The following GALK2 variants were observed in gnomAD, a reference collection of about 807,000 sequenced individuals.
GALK2 encodes the protein galactokinase 2.
GALK2 carries 36 observed loss-of-function variants against 52.4 expected under a neutral mutation model. The ratio of observed to expected loss-of-function variants is 0.69; its 90% CI spans 0.53 to 0.91. The LOEUF (loss-of-function observed/expected upper bound fraction) is 0.91. Ranked by LOEUF, GALK2 falls within the 40% of genes least tolerant of loss-of-function variation. GALK2 has a pLI of 0.00. For missense variants in GALK2, 579 were observed against 559.1 expected, an observed-to-expected ratio of 1.04 and a Z score of -0.36; for synonymous variants, 176 against 199.1, an observed-to-expected ratio of 0.88 and a Z score of 0.98.
At position 49,263,741 on chromosome 15, in the gene GALK2, A is replaced by G. The variant is rs1332203705; in HGVS notation, c.505-18246A>G. Among the ~76,000 whole-genome samples the G allele has an allele frequency of 1.6e-5, 2 of 122,662 alleles. 1 individual carries two copies. Among genetic ancestry groups the G allele is most frequent in the African/African-American group, 6.7e-5 (2 of 30,026 alleles). 80.5% of individuals were successfully genotyped at this position (122,662 alleles called of 152,430 possible). On this transcript the variant is annotated intron_variant, in intron 5 of 9. Coordinates refer to ENST00000560031, the MANE Select transcript of GALK2 (RefSeq NM_002044.4). ...CCTTTCCATGTTTAGTGCTTCCTTC[A>G]GGAGCTCTTGTAAGGCAGGCCTGTT...
intron 5 of GALK2, among the ~76,000 whole-genome samples, chr15:49,247,339 C>G (rs1301935857): frequency 6.6e-6 from 1 of 152,016 alleles, no homozygotes; most frequent in Non-Finnish European, 1.5e-5. Flanking sequence ...GGGCTGTGAG[C>G]TGGGGATGGC....
chr15:49,286,255 G>A (rs1161735908), intron 7 of GALK2, among the ~76,000 whole-genome samples: 1 of 152,188 alleles, frequency 6.6e-6, no homozygotes, highest in Admixed American at 6.5e-5. Context: ...CCTAATGCTT[G>A]ATGTGATGCT....
chr15:49,161,129 A>G (rs1246375739), intron 1 of GALK2, among the ~76,000 whole-genome samples: 1 of 152,248 alleles, frequency 6.6e-6, no homozygotes, highest in Non-Finnish European at 1.5e-5. Context: ...AATATATTGC[A>G]TAATTTGCTG....
At chr15:49,207,012 T>G (rs1005255976) in intron 2 of GALK2, among the ~76,000 whole-genome samples, 8 of 152,192 alleles carry the variant, frequency 5.3e-5, no homozygotes, top group African/African-American at 1.9e-4. Context: ...GGTATGTCCC[T>G]TTTATGTCAA....
intron 8 of GALK2, among the ~76,000 whole-genome samples, chr15:49,317,589 A>G (rs1045537861): frequency 2.6e-5 from 4 of 152,262 alleles, no homozygotes; most frequent in Admixed American, 1.3e-4. Flanking sequence ...AAATCATTCT[A>G]CTATAAAGAC....
At chr15:49,178,252 A>G (rs878921872) in intron 1 of GALK2, 2 of 123,886 alleles carry the variant, frequency 1.6e-5, no homozygotes, top group Non-Finnish European at 3.4e-5. Context: ...AAATATGTCT[A>G]TATGTATAAA....
chr15:49,166,900 A>G (rs141176651), upstream of GALK2, among the ~76,000 whole-genome samples: 55 of 152,390 alleles, frequency 3.6e-4, no homozygotes, highest in African/African-American at 1.3e-3. Context: ...CAAACAGATT[A>G]AACCACAGAA....
chr15:49,177,333 T>G (rs909784498), intron 1 of GALK2, among the ~76,000 whole-genome samples: 1 of 151,272 alleles, frequency 6.6e-6, no homozygotes, highest in East Asian at 1.9e-4. Flanking sequence ...TAATTTATGT[T>G]AAACCTATTG....
intron 8 of GALK2, among the ~76,000 whole-genome samples, chr15:49,293,547 A>T (rs937263545): frequency 6.6e-6 from 1 of 152,240 alleles, no homozygotes; most frequent in African/African-American, 2.4e-5. Context: ...GTTGTGATAG[A>T]GATTAAATAG....
intron 2 of GALK2, among the ~76,000 whole-genome samples, chr15:49,208,304 C>G (rs1361061764): frequency 6.6e-6 from 1 of 152,148 alleles, no homozygotes; most frequent in Non-Finnish European, 1.5e-5. Flanking sequence ...ATGAACTTTC[C>G]TCTTAGCACT....
intron 1 of GALK2, among the ~76,000 whole-genome samples, chr15:49,157,011 A>G (rs960334975): frequency 1.3e-5 from 2 of 152,190 alleles, no homozygotes; most frequent in African/African-American, 4.8e-5. Context: ...CAAGATTGCC[A>G]TAGACTGTAT....
intron 9 of GALK2, 95 bp downstream of exon 9, chr15:49,319,900 A>G: frequency 9.6e-7 from 1 of 1,044,546 alleles, no homozygotes; most frequent in Non-Finnish European, 1.4e-6. Context: ...ACGGGAATGA[A>G]GATCATTCCC....
At chr15:49,274,543 C>A (rs8029506) in intron 5 of GALK2, among the ~76,000 whole-genome samples, 37,560 of 151,948 alleles carry the variant, frequency 0.25, 4,939 homozygotes, top group African/African-American at 0.31. Context: ...TCAACACTGT[C>A]CATGTAGGCT....
exon 1 of GALK2, chr15:49,155,781 T>A (rs2084428798): frequency 1.5e-6 from 1 of 672,274 alleles, no homozygotes; most frequent in Admixed American, 2.8e-5. Context: ...TCCGAAGTGG[T>A]TGGTGCCTTA....
Position 49,236,048 on chromosome 15 carries a change from A to G in GALK2, c.357+107A>G, listed in dbSNP as rs1382394078. 4.0e-5 allele frequency: 29 copies of G among 719,648 alleles called. No individual in the cohort carries two copies. In the East Asian group the frequency reaches 7.1e-4, roughly 17 times the overall value. 44.6% of individuals were successfully genotyped at this position (719,648 alleles called of 1,614,324 possible). Reference sequence around the variant, plus strand: ...TTTCATCTCCTTACAGTACTAACCGATGCTTCTGTTCTATTTTGCTAGTTT... The same window carrying G: ...TTTCATCTCCTTACAGTACTAACCGGTGCTTCTGTTCTATTTTGCTAGTTT... On this transcript the variant is annotated intron_variant, in intron 4 of 9. Coordinates refer to ENST00000560031, the MANE Select transcript of GALK2 (RefSeq NM_002044.4).
At chr15:49,173,548 C>T (rs997943670) in intron 1 of GALK2, among the ~76,000 whole-genome samples, 3 of 152,102 alleles carry the variant, frequency 2.0e-5, no homozygotes, top group Non-Finnish European at 2.9e-5. Context: ...TTCTACTTCT[C>T]TTCTTAGAAG....
At chr15:49,192,526 G>C (rs1454265036) in intron 1 of GALK2, among the ~76,000 whole-genome samples, 6 of 57,842 alleles carry the variant, frequency 1.0e-4, no homozygotes, top group Non-Finnish European at 1.8e-4. Context: ...TATATATATA[G>C]TTGGAGGTGT....
At chr15:49,273,346 TC>T (rs1335770141) in intron 5 of GALK2, among the ~76,000 whole-genome samples, 1 of 152,204 alleles carries the variant, frequency 6.6e-6, no homozygotes, top group Non-Finnish European at 1.5e-5. Flanking sequence ...TTCCTTTCTT[TC>T]CTGTATTATT....
intron 9 of GALK2, among the ~76,000 whole-genome samples, chr15:49,326,255 ATTTTTTT>A (rs35381509): frequency 0.077 from 7,746 of 100,636 alleles, 390 homozygotes; most frequent in African/African-American, 0.19. Context: ...TATGACAACC[ATTTTTTT>A]TTTTTTTTTT....
Sources: gnomAD v4.1 joint callset for allele counts (sites outside exome capture counted in the v4.1 genomes callset) on GRCh38, gnomAD v4.1.1 for gene constraint, MANE v1.5 for transcripts, NCBI Gene and HGNC (gene_info 2026-07-23, HGNC 2026-07-21) for gene names.